PDE7B: variants seen among roughly 807,000 people sequenced by gnomAD.
PDE7B encodes phosphodiesterase 7B.
Under a neutral mutation model 56.2 loss-of-function variants are expected in PDE7B, and 29 were observed. The ratio of observed to expected loss-of-function variants is 0.52; its 90% CI spans 0.38 to 0.70. The LOEUF is 0.70. PDE7B is among the 30% of genes least tolerant of loss of function. The pLI, the probability that PDE7B is intolerant of heterozygous loss-of-function variation, is 0.00. For synonymous variants in PDE7B, 197 were observed against 196.9 expected, an observed-to-expected ratio of 1.00 and a Z score of 0.00; for missense variants, 490 against 565.0, an observed-to-expected ratio of 0.87 and a Z score of 1.35.
intron 2 of PDE7B, among the ~76,000 whole-genome samples, chr6:135,964,199 G>T (rs997796972): frequency 6.6e-6 from 1 of 152,058 alleles, no homozygotes; most frequent in African/African-American, 2.4e-5. Flanking sequence ...CGCCACGAGG[G>T]TTCAAGTGAG....
intron 11 of PDE7B, among the ~76,000 whole-genome samples, chr6:136,182,767 G>A (rs978580166): frequency 2.0e-5 from 3 of 152,252 alleles, no homozygotes; most frequent in African/African-American, 7.2e-5. Flanking sequence ...ACCAAGAAAT[G>A]TAACCTATAA....
chr6:136,031,909 A>G (rs1776253295), intron 2 of PDE7B, among the ~76,000 whole-genome samples: 1 of 152,170 alleles, frequency 6.6e-6, no homozygotes, highest in Non-Finnish European at 1.5e-5. Flanking sequence ...TTTTTTGAGT[A>G]TGTCTGGATA....
At chr6:135,932,588 A>G (rs1279956850) in intron 1 of PDE7B, among the ~76,000 whole-genome samples, 3 of 152,238 alleles carry the variant, frequency 2.0e-5, no homozygotes, top group Non-Finnish European at 4.4e-5. Context: ...ATATAGATGC[A>G]CACATTCATG....
At chr6:135,962,104 G>A (rs1774912616) in intron 2 of PDE7B, among the ~76,000 whole-genome samples, 1 of 152,058 alleles carries the variant, frequency 6.6e-6, no homozygotes. Context: ...GGGTATATGG[G>A]AAATTGCTTT....
chr6:135,929,006 CTAAAA>C (rs1774249850), intron 1 of PDE7B, among the ~76,000 whole-genome samples: 2 of 152,168 alleles, frequency 1.3e-5, no homozygotes, highest in Admixed American at 1.3e-4. Context: ...TTTTCACAGC[CTAAAA>C]TACAGTAAGA....
At chr6:136,036,762 CA>C (rs1776331191) in intron 2 of PDE7B, among the ~76,000 whole-genome samples, 1 of 152,104 alleles carries the variant, frequency 6.6e-6, no homozygotes, top group Admixed American at 6.5e-5. Flanking sequence ...AATGGCATGC[CA>C]AGCAAAATAA....
chr6:136,061,196 A>ATG (rs1219183935), intron 2 of PDE7B, among the ~76,000 whole-genome samples: 1 of 151,992 alleles, frequency 6.6e-6, no homozygotes, highest in Non-Finnish European at 1.5e-5. Flanking sequence ...AAAGTTCTGC[A>ATG]TGTGTGTGTG....
chr6:135,857,022 TTTCCTCCCTCCC>T (rs1562412143), intron 1 of PDE7B, among the ~76,000 whole-genome samples: 3 of 114,866 alleles, frequency 2.6e-5, no homozygotes, highest in Admixed American at 9.5e-5. Flanking sequence ...TCTTACTCCT[TTTCCTCCCTCCC>T]TCCCTCCCTC....
At chr6:135,995,814 T>A (rs1775555021) in intron 2 of PDE7B, among the ~76,000 whole-genome samples, 1 of 152,186 alleles carries the variant, frequency 6.6e-6, no homozygotes, top group African/African-American at 2.4e-5. Flanking sequence ...GTAAATGGAA[T>A]AATTGGAACT....
At chr6:136,044,436 TA>T (rs1331723684) in intron 2 of PDE7B, 2 of 152,202 alleles carry the variant, frequency 1.3e-5, no homozygotes, top group East Asian at 3.9e-4. Context: ...AACATCTTTT[TA>T]GGGACAGATT....
chr6:136,165,064 G>C lies in PDE7B; in HGVS notation c.712-8733G>C, dbSNP rs143526696. 7.9e-5 allele frequency among the ~76,000 whole-genome samples: 12 copies of C among 152,314 alleles called. No homozygotes were observed. In the East Asian group the frequency reaches 2.3e-3, roughly 29 times the overall value. ...ATCAACTCTGAAAAGTGTGAGGAAA[G>C]TATAGTTTTTCAAAATTCACTGAAT... On this transcript the variant is annotated intron_variant, in intron 8 of 12. Coordinates refer to ENST00000308191, the MANE Select transcript of PDE7B (RefSeq NM_018945.4).
chr6:135,882,178 G>C (rs531959652), intron 1 of PDE7B, among the ~76,000 whole-genome samples: 138 of 152,262 alleles, frequency 9.1e-4, no homozygotes, highest in African/African-American at 3.2e-3. Context: ...AAAATTTGTG[G>C]TGAATTTTCC....
At chr6:135,956,598 G>A (rs984532627) in intron 2 of PDE7B, among the ~76,000 whole-genome samples, 2 of 152,072 alleles carry the variant, frequency 1.3e-5, no homozygotes, top group Admixed American at 1.3e-4. Context: ...GGGAAACATA[G>A]CAAGACTCCA....
intron 2 of PDE7B, among the ~76,000 whole-genome samples, chr6:136,036,057 T>C (rs1776321591): frequency 6.6e-6 from 1 of 152,238 alleles, no homozygotes; most frequent in African/African-American, 2.4e-5. Flanking sequence ...GGAGTGAGTT[T>C]AAGACATTAT....
chr6:136,178,927 T>TA lies in PDE7B; in HGVS notation c.804-66dup, dbSNP rs1166668880. On this transcript the variant is annotated intron_variant, in intron 9 of 12. Coordinates refer to ENST00000308191, the MANE Select transcript of PDE7B (RefSeq NM_018945.4). Reference sequence around the variant, plus strand: ...TAGATTACAAGCCACCTGATGATGATAAAATCAATCACCCTCATCAAAGGG... The same window carrying TA: ...TAGATTACAAGCCACCTGATGATGATAAAAATCAATCACCCTCATCAAAGGG... 1.2e-5 allele frequency: 18 copies of TA among 1,523,160 alleles called. 1 individual carries two copies. Among genetic ancestry groups the TA allele is most frequent in the Admixed American group, 5.1e-5 (3 of 58,490 alleles). The allele number at this position is 1,523,160 out of a possible 1,614,324, so 94.4% of individuals were successfully genotyped here.
intron 2 of PDE7B, among the ~76,000 whole-genome samples, chr6:136,031,725 C>CCTGGCGACAGCCT (rs1251464814): frequency 1.7e-5 from 2 of 120,658 alleles, no homozygotes; most frequent in Non-Finnish European, 3.3e-5. Context: ...GGCGACAGAG[C>CCTGGCGACAGCCT]GAGACTCCGT....
chr6:136,175,924 C>T (rs1778969584), intron 9 of PDE7B, among the ~76,000 whole-genome samples: 2 of 151,978 alleles, frequency 1.3e-5, no homozygotes, highest in African/African-American at 2.4e-5. Flanking sequence ...TGTACCATCA[C>T]CAAAATTGAG....
At chr6:135,880,816 C>A (rs72971658) in intron 1 of PDE7B, among the ~76,000 whole-genome samples, 4,898 of 152,198 alleles carry the variant, frequency 0.032, 110 homozygotes, top group Non-Finnish European at 0.05. Context: ...GTTGTGTTCA[C>A]GGGGTGAAGC....
chr6:135,942,232 T>A (rs1774518140), intron 1 of PDE7B, among the ~76,000 whole-genome samples: 1 of 152,176 alleles, frequency 6.6e-6, no homozygotes, highest in Admixed American at 6.5e-5. Flanking sequence ...GATGATAAAA[T>A]TCAGTTTACT....
Sources: allele counts gnomAD v4.1 joint callset (sites outside exome capture counted in the v4.1 genomes callset), GRCh38; gene constraint gnomAD v4.1.1; transcripts MANE v1.5; gene names NCBI Gene and HGNC (gene_info 2026-07-23, HGNC 2026-07-21).